Variants in BNC1 observed in about 807,000 individuals in gnomAD.
BNC1 encodes zinc finger protein basonuclin-1.
In BNC1, 8 loss-of-function variants were observed where a neutral mutation model predicts 66.5. The ratio of observed to expected loss-of-function variants is 0.12; its 90% CI spans 0.07 to 0.22. BNC1 has a LOEUF of 0.22. BNC1 is among the 10% of genes least tolerant of loss of function. The probability of loss-of-function intolerance (pLI) is 1.00; values close to 1 mark genes in which losing one functional copy is unlikely to be tolerated. For synonymous variants in BNC1, 454 were observed against 452.6 expected (o/e 1.00, Z -0.04); for missense variants, 1,069 against 1,241.3 (o/e 0.86, Z 2.09).
chr15:83,256,159 T>C lies in BNC1; in HGVS notation c.*1283A>G, dbSNP rs940272898. Reference sequence around the variant, plus strand: ...TAACCCTCAACTTTAAGAATGTTTTTTATTACTTACATCAACCACGAATTT... The same window carrying C: ...TAACCCTCAACTTTAAGAATGTTTTCTATTACTTACATCAACCACGAATTT... On this transcript the variant is annotated 3_prime_UTR_variant, in exon 5 of 5. Transcript: ENST00000345382. 2.0e-5 allele frequency: 3 copies of C among 152,514 alleles called. No homozygotes were observed. The highest frequency in any genetic ancestry group is 7.2e-5 in the African/African-American group (3 of 41,462). The allele number at this position is 152,514 out of a possible 1,614,324, so 9.4% of individuals were successfully genotyped here. A position where few individuals can be genotyped will look rare whatever the true frequency, so the allele number is the denominator to read the frequency against.
In BNC1 at chr15:83,272,788, C is replaced by T. The variant is rs576707821; in HGVS notation, c.100-4556G>A. ...ATACTGAAACTTATTTTTTGCATCT[C>T]GTCACCTAGGTCAGGTTTTCTCAAC... On this transcript the variant is annotated intron_variant, in intron 1 of 4. Coordinates refer to ENST00000345382, the MANE Select transcript of BNC1 (RefSeq NM_001717.4). Among the ~76,000 whole-genome samples the T allele has an allele frequency of 3.9e-5, 6 of 152,268 alleles. No individual in the cohort carries two copies. The South Asian group carries it at 1.0e-3, about 26-fold the overall frequency.
At chr15:83,281,266 G>A (rs947180046) in intron 1 of BNC1, among the ~76,000 whole-genome samples, 2 of 152,166 alleles carry the variant, frequency 1.3e-5, no homozygotes, top group Non-Finnish European at 2.9e-5. Flanking sequence ...AGTTTAAAAG[G>A]AAAAAGAAAT....
intron 1 of BNC1, among the ~76,000 whole-genome samples, chr15:83,275,640 T>C (rs1024275142): frequency 6.6e-6 from 1 of 152,144 alleles, no homozygotes; most frequent in African/African-American, 2.4e-5. Context: ...TCCCAAGGCA[T>C]GCCAAGGAGT....
At position 83,263,722 on chromosome 15, in the gene BNC1, G is replaced by C; in HGVS notation, c.1529C>G (p.Ser510Cys). The C allele has an allele frequency of 1.2e-6, 2 of 1,614,236 alleles. No individual in the cohort carries two copies. The highest frequency in any genetic ancestry group is 1.7e-6 in the Non-Finnish European group (2 of 1,180,050). The part of the protein sequence containing the change: ...EVANTPGILP[S>C]LPLLSSSIPE... Reference sequence around the variant, plus strand: ...GATTGAAGAGGACAACAGCGGGAGGGAAGGGAGTATCCCAGGCGTGTTTGC... The same window carrying C: ...GATTGAAGAGGACAACAGCGGGAGGCAAGGGAGTATCCCAGGCGTGTTTGC... The change falls in exon 4 of 5, where the codon TCC (serine) becomes TGC (cysteine). Residue 510 changes from serine (S) to cysteine (C), a missense_variant. Physicochemically the swap from Ser to Cys is moderately radical, Grantham distance 112. This residue lies in a region of BNC1 where 657 missense variants were observed against 715.8 expected (regional missense o/e 0.92). Transcript: ENST00000345382.
chr15:83,272,845 G>A (rs769391533), intron 1 of BNC1, among the ~76,000 whole-genome samples: 1 of 152,158 alleles, frequency 6.6e-6, no homozygotes, highest in Non-Finnish European at 1.5e-5. Context: ...GCTGGATAAT[G>A]CTTTGTAGTG....
intron 1 of BNC1, among the ~76,000 whole-genome samples, chr15:83,277,077 G>C (rs917644054): frequency 4.6e-5 from 7 of 152,132 alleles, no homozygotes; most frequent in Admixed American, 3.3e-4. Flanking sequence ...CAATAAAAAT[G>C]CTTCAGGATT....
At chr15:83,276,221 C>G (rs957362287) in intron 1 of BNC1, among the ~76,000 whole-genome samples, 1 of 152,204 alleles carries the variant, frequency 6.6e-6, no homozygotes, top group African/African-American at 2.4e-5. Context: ...AGACCCACAA[C>G]AAGTAAGTTC....
At position 83,257,747 on chromosome 15, in the gene BNC1, A is replaced by G. The variant is rs764499083; in HGVS notation, c.2680T>C (p.Cys894Arg). The stretch of plus-strand genomic sequence containing the variant: ...CCAGGGACAAGGCTCGACCCTTCAC[A>G]GTTCCCATCACTGTCCTCCATAAGC... ...TVLMEDSDGN[C>R]EGSSLVPGED... The change falls in exon 5 of 5, where the codon TGT (cysteine) becomes CGT (arginine). Residue 894 changes from cysteine to arginine, a missense_variant. This residue lies in a region of BNC1 where 657 missense variants were observed against 715.8 expected (regional missense o/e 0.92). Transcript: ENST00000345382. 4 of 1,614,126 alleles carry G rather than the reference A, an allele frequency of 2.5e-6. No homozygotes were observed. Among genetic ancestry groups the G allele is most frequent in the Non-Finnish European group, 2.5e-6 (3 of 1,180,018 alleles).
chr15:83,268,978 C>A (rs2038243860), intron 1 of BNC1, among the ~76,000 whole-genome samples: 2 of 152,244 alleles, frequency 1.3e-5, no homozygotes, highest in Non-Finnish European at 2.9e-5. Context: ...GTAATCCCAG[C>A]ACTTTGGAAG....
intron 1 of BNC1, chr15:83,283,119 T>C (rs1484552526): frequency 2.7e-5 from 41 of 1,534,478 alleles, no homozygotes; most frequent in Non-Finnish European, 3.5e-5. Context: ...GGCTGGGAGA[T>C]GGCATTCCAC....
intron 4 of BNC1, among the ~76,000 whole-genome samples, chr15:83,258,358 A>T (rs894077344): frequency 6.6e-6 from 1 of 152,190 alleles, no homozygotes; most frequent in Non-Finnish European, 1.5e-5. Flanking sequence ...CTGGATACTG[A>T]GAATATGTAG....
At position 83,257,848 on chromosome 15, in the gene BNC1, G is replaced by C; in HGVS notation, c.2579C>G (p.Thr860Ser). The C allele has an allele frequency of 6.2e-7, 1 of 1,614,210 alleles. No homozygotes were observed. The highest frequency in any genetic ancestry group is 8.5e-7 in the Non-Finnish European group (1 of 1,180,038). The stretch of plus-strand genomic sequence containing the variant: ...ACTCTCTGACTTCATGCTCGAGGTA[G>C]TGCTCAAATCCAGGATGGTGCCCTC... Reference protein sequence around the residue: ...LSEGTILDLSTTSSMKSESSS... With the variant: ...LSEGTILDLSSTSSMKSESSS... Residue 860 changes from threonine to serine, a missense_variant, in exon 5 of 5, where the codon ACT becomes AGT. Transcript: ENST00000345382.
rs756401094 is a variant in BNC1, at chr15:83,264,437, G to T, written c.814C>A (p.Gln272Lys). The T allele has an allele frequency of 6.2e-7, 1 of 1,614,152 alleles. No homozygotes were observed. The highest frequency in any genetic ancestry group is 2.2e-5 in the East Asian group (1 of 44,886). Residue 272 changes from glutamine to lysine, a missense_variant, in exon 4 of 5, where the codon CAA (glutamine) becomes AAA (lysine). Gln to Lys is a moderately conservative substitution (Grantham distance 53). Transcript: ENST00000345382. ...ACTTCCTGTTTGGGGTCCTGACTTT[G>T]GTCATGACCCTGCTCCAACATATAT... ...EQYMLEQGHD[Q>K]SQDPKQEVHG...
In BNC1 at chr15:83,257,571, G is replaced by A; in HGVS notation, c.2856C>T (p.Leu952=). ...TFRAHYKTVH[L]RQLHKCKVPG... ...GTACTTTGCATTTGTGGAGCTGCCG[G>A]AGGTGCACAGTTTTGTAGTGGGCCC... Residue 952 remains leucine (L), a synonymous_variant, in exon 5 of 5, where the codon CTC becomes CTT. Coordinates refer to ENST00000345382, the MANE Select transcript of BNC1 (RefSeq NM_001717.4). The A allele has an allele frequency of 1.2e-6, 2 of 1,614,120 alleles. No homozygotes were observed. Among genetic ancestry groups the A allele is most frequent in the Non-Finnish European group, 1.7e-6 (2 of 1,180,026 alleles).
At chr15:83,268,037 A>C in intron 2 of BNC1, 96 bp downstream of exon 2, 1 of 1,006,712 alleles carries the variant, frequency 9.9e-7, no homozygotes, top group Non-Finnish European at 1.5e-6. Context: ...TTTACTAGTT[A>C]GTTGTCATTC....
intron 1 of BNC1, among the ~76,000 whole-genome samples, chr15:83,276,029 C>G (rs766801585): frequency 5.3e-5 from 8 of 152,166 alleles, no homozygotes; most frequent in Non-Finnish European, 1.2e-4. Flanking sequence ...TGGCCTCAAC[C>G]TATGTCTTAC....
Position 83,257,077 on chromosome 15 carries a change from C to A in BNC1, c.*365G>T. The A allele has an allele frequency of 4.2e-6, 1 of 238,912 alleles. No homozygotes were observed. Among genetic ancestry groups the A allele is most frequent in the Non-Finnish European group, 8.1e-6 (1 of 123,938 alleles). 14.8% of individuals were successfully genotyped at this position (238,912 alleles called of 1,614,324 possible). On this transcript the variant is annotated 3_prime_UTR_variant, in exon 5 of 5. Transcript: ENST00000345382. Reference sequence around the variant, plus strand: ...TCCCCAGGACCCTTCTTATCCAAGACCTTTAACACTGCAAGCCTCATTTAA... The same window carrying A: ...TCCCCAGGACCCTTCTTATCCAAGAACTTTAACACTGCAAGCCTCATTTAA...
In BNC1 at chr15:83,263,411, C is replaced by G; in HGVS notation, c.1840G>C (p.Val614Leu). The G allele has an allele frequency of 6.2e-7, 1 of 1,614,228 alleles. No homozygotes were observed. The change falls in exon 4 of 5, where the codon GTA becomes CTA. Residue 614 changes from valine to leucine, a missense_variant. Val to Leu is a conservative substitution (Grantham distance 32). Transcript: ENST00000345382. ...EGERPCHRES[V>L]IESSGAISQT... ...CTGATGGCTCCACTGGACTCAATTA[C>G]TGATTCACGATGGCAGGGCCTCTCC...
At chr15:83,282,693 C>G (rs1277469224) in intron 1 of BNC1, among the ~76,000 whole-genome samples, 1 of 152,116 alleles carries the variant, frequency 6.6e-6, no homozygotes. Flanking sequence ...CCCATAAAAT[C>G]GAATAGCAAA....
Sources: gnomAD v4.1 joint callset for allele counts (sites outside exome capture counted in the v4.1 genomes callset) on GRCh38, gnomAD v4.1.1 for gene constraint, gnomAD v4.1.1 regional missense constraint, MANE v1.5 for transcripts, NCBI Gene and HGNC (gene_info 2026-07-23, HGNC 2026-07-21) for gene names.